Variants in CREB5 observed in about 807,000 individuals in gnomAD.
CREB5 encodes the protein cyclic AMP-responsive element-binding protein 5.
Under a neutral mutation model 57.1 loss-of-function variants are expected in CREB5, and 19 were observed. The ratio of observed to expected loss-of-function variants is 0.33; its 90% CI spans 0.23 to 0.49. The LOEUF is 0.49. Among genes scored for constraint, CREB5 ranks in the 20% least tolerant of loss-of-function variants. The pLI is 0.99. For synonymous variants in CREB5, 238 were observed against 238.3 expected (o/e 1.00, Z 0.01); for missense variants, 579 against 671.6 (o/e 0.86, Z 1.52).
chr7:28,307,112 T>C (rs1785206515), intron 1 of CREB5, among the ~76,000 whole-genome samples: 1 of 152,218 alleles, frequency 6.6e-6, no homozygotes, highest in Non-Finnish European at 1.5e-5. Context: ...AAGAGATGGA[T>C]GTCAGATGCC....
chr7:28,793,419 G>A lies in CREB5; in HGVS notation c.703-10780G>A, dbSNP rs147770846. 5.3e-3 allele frequency among the ~76,000 whole-genome samples: 808 copies of A among 152,292 alleles called. 7 individuals are homozygous for A. The highest frequency in any genetic ancestry group is 0.01 in the Middle Eastern group (3 of 294). ...TTGAGGCCCTGTTGGCCAGAACACC[G>A]AATGTCTACGACAGAGGCCCAATGG... On this transcript the variant is annotated intron_variant, in intron 7 of 10. Transcript: ENST00000357727.
chr7:28,749,338 A>C (rs995766731), intron 7 of CREB5: 3 of 152,254 alleles, frequency 2.0e-5, no homozygotes, highest in African/African-American at 7.2e-5. Flanking sequence ...CAGTGGGGAA[A>C]GGGCACACCG....
intron 5 of CREB5, among the ~76,000 whole-genome samples, chr7:28,625,601 G>C: frequency 6.6e-6 from 1 of 152,302 alleles, no homozygotes; most frequent in Middle Eastern, 3.4e-3. Context: ...ATTTCTGTTT[G>C]CTGAATTCCA....
intron 1 of CREB5, among the ~76,000 whole-genome samples, chr7:28,396,760 G>A (rs1372442636): frequency 6.6e-6 from 1 of 151,850 alleles, no homozygotes. Context: ...TTTTTATTCT[G>A]GCAAGTTCAG....
intron 5 of CREB5, among the ~76,000 whole-genome samples, chr7:28,573,458 C>A (rs1032778816): frequency 1.3e-5 from 2 of 152,212 alleles, no homozygotes; most frequent in Non-Finnish European, 2.9e-5. Flanking sequence ...CTGCATCCAG[C>A]CAGAAAGGCT....
At chr7:28,507,420 T>C (rs1170408401) in intron 3 of CREB5, among the ~76,000 whole-genome samples, 196 bp from the exon 4 acceptor site, 1 of 152,232 alleles carries the variant, frequency 6.6e-6, no homozygotes, top group Non-Finnish European at 1.5e-5. Context: ...CAGCCTTCTG[T>C]CTACTGTATT....
intron 4 of CREB5, among the ~76,000 whole-genome samples, chr7:28,567,447 G>A (rs934696835): frequency 8.5e-5 from 13 of 152,240 alleles, no homozygotes; most frequent in Admixed American, 5.9e-4. Flanking sequence ...TCACTCAATA[G>A]TTATTGAGCA....
intron 3 of CREB5, among the ~76,000 whole-genome samples, chr7:28,496,561 C>T (rs1792060623): frequency 6.6e-6 from 1 of 152,090 alleles, no homozygotes; most frequent in South Asian, 2.1e-4. Context: ...AAGATGAGGG[C>T]CCTTGATCCT....
chr7:28,715,372 C>A (rs1802627748), intron 5 of CREB5, among the ~76,000 whole-genome samples: 1 of 152,162 alleles, frequency 6.6e-6, no homozygotes, highest in Non-Finnish European at 1.5e-5. Flanking sequence ...GATCTAACTA[C>A]CTCATTGCAT....
chr7:28,440,232 A>G (rs1467025014), intron 1 of CREB5, among the ~76,000 whole-genome samples: 1 of 152,158 alleles, frequency 6.6e-6, no homozygotes, highest in Non-Finnish European at 1.5e-5. Context: ...GATTTATTTA[A>G]GTATAGGTTT....
intron 7 of CREB5, among the ~76,000 whole-genome samples, chr7:28,737,574 T>C (rs1271596052): frequency 2.9e-5 from 1 of 34,196 alleles, no homozygotes; most frequent in Non-Finnish European, 8.6e-5. Context: ...TATATATATA[T>C]ATATATATAT....
At chr7:28,456,603 A>G (rs967996696) in intron 1 of CREB5, among the ~76,000 whole-genome samples, 3 of 152,218 alleles carry the variant, frequency 2.0e-5, no homozygotes, top group Non-Finnish European at 4.4e-5. Flanking sequence ...TGATAGTGCA[A>G]TAATTCTCTC....
intron 1 of CREB5, among the ~76,000 whole-genome samples, chr7:28,307,454 C>T (rs1449317467): frequency 6.6e-6 from 1 of 152,194 alleles, no homozygotes; most frequent in African/African-American, 2.4e-5. Flanking sequence ...GGGCCCCTCA[C>T]CAGGTACTGA....
chr7:28,748,774 G>A (rs899455781), intron 7 of CREB5, among the ~76,000 whole-genome samples: 7 of 152,122 alleles, frequency 4.6e-5, no homozygotes, highest in African/African-American at 1.4e-4. Flanking sequence ...ATTTTAAGAT[G>A]GTTTGTAGGT....
At chr7:28,376,661 T>C (rs1267398218) in intron 1 of CREB5, among the ~76,000 whole-genome samples, 1 of 152,140 alleles carries the variant, frequency 6.6e-6, no homozygotes, top group Non-Finnish European at 1.5e-5. Context: ...AGCAGTTAAG[T>C]GCGTATGTTA....
intron 4 of CREB5, among the ~76,000 whole-genome samples, chr7:28,565,169 T>C (rs1457432211): frequency 2.0e-5 from 3 of 152,208 alleles, no homozygotes; most frequent in Non-Finnish European, 4.4e-5. Flanking sequence ...GCAGGAACCA[T>C]GTATCATAAA....
rs552389358 is a variant in CREB5 at position 28,727,202 on chromosome 7, T to G, written c.702+2870T>G. On this transcript the variant is annotated intron_variant, in intron 7 of 10. Transcript: ENST00000357727. ...ATCATAATTCTGGCTAATTATAATT[T>G]CATTTTATGGATTCATTTTCTGAAG... Among the ~76,000 whole-genome samples the G allele has an allele frequency of 1.6e-3, 247 of 152,194 alleles. 1 individual carries two copies. Among genetic ancestry groups the G allele is most frequent in the Middle Eastern group, 0.01 (3 of 294 alleles).
intron 1 of CREB5, among the ~76,000 whole-genome samples, chr7:28,342,186 T>G (rs1350007983): frequency 6.6e-6 from 1 of 152,226 alleles, no homozygotes; most frequent in Non-Finnish European, 1.5e-5. Context: ...TCCTTAAATG[T>G]AAGGCCTCAA....
chr7:28,602,937 T>G (rs978389853), intron 5 of CREB5, among the ~76,000 whole-genome samples: 3 of 152,218 alleles, frequency 2.0e-5, no homozygotes, highest in African/African-American at 7.2e-5. Flanking sequence ...TGTACTCTAA[T>G]TATGCAAGAT....
Sources: allele counts gnomAD v4.1 joint callset (sites outside exome capture counted in the v4.1 genomes callset), GRCh38; gene constraint gnomAD v4.1.1; transcripts MANE v1.5; gene names NCBI Gene and HGNC (gene_info 2026-07-23, HGNC 2026-07-21).